The following NTM variants were observed in gnomAD, a reference collection of about 807,000 sequenced individuals.
The protein encoded by NTM is IgLON family member 2.
A neutral mutation model predicts 42.1 loss-of-function variants in NTM; 13 were observed. That is an observed-to-expected ratio of 0.31 (90% confidence interval 0.20 to 0.49). The LOEUF (loss-of-function observed/expected upper bound fraction) is 0.49. Ranked by LOEUF, NTM falls within the 20% of genes least tolerant of loss-of-function variation. NTM has a pLI of 0.99. For synonymous variants in NTM, 187 were observed against 179.2 expected (o/e 1.04, Z -0.35); for missense variants, 373 against 452.8 (o/e 0.82, Z 1.60).
At chr11:132,130,467 G>A (rs1358647740) in intron 2 of NTM, among the ~76,000 whole-genome samples, 1 of 152,174 alleles carries the variant, frequency 6.6e-6, no homozygotes, top group Non-Finnish European at 1.5e-5. Context: ...ATGCGTTTAA[G>A]TTCTAATTAA....
chr11:131,791,163 A>G (rs1444432524), intron 1 of NTM, among the ~76,000 whole-genome samples: 1 of 152,230 alleles, frequency 6.6e-6, no homozygotes, highest in Non-Finnish European at 1.5e-5. Context: ...CATTTTAACA[A>G]GCAAGAGGAG....
chr11:131,642,904 G>A (rs532631686), intron 1 of NTM, among the ~76,000 whole-genome samples: 32 of 152,120 alleles, frequency 2.1e-4, no homozygotes, highest in Middle Eastern at 3.4e-3. Context: ...TACCCAAAAC[G>A]TGAAGCCTTA....
chr11:131,881,250 T>C (rs1356963768), intron 1 of NTM, among the ~76,000 whole-genome samples: 1 of 152,154 alleles, frequency 6.6e-6, no homozygotes, highest in Non-Finnish European at 1.5e-5. Context: ...ATATGAGAAA[T>C]TAAGACAATA....
At chr11:131,813,425 C>T (rs1232106376) in intron 1 of NTM, among the ~76,000 whole-genome samples, 1 of 152,054 alleles carries the variant, frequency 6.6e-6, no homozygotes, top group Non-Finnish European at 1.5e-5. Flanking sequence ...GACACATATG[C>T]AGAATCATGG....
At chr11:131,558,260 C>T (rs1278639237) in intron 1 of NTM, among the ~76,000 whole-genome samples, 1 of 152,110 alleles carries the variant, frequency 6.6e-6, no homozygotes, top group Non-Finnish European at 1.5e-5. Context: ...CTAACCCCTC[C>T]AGCCTGGACA....
In NTM at chr11:131,947,012, A is replaced by T. The variant is rs371067572; in HGVS notation, c.167+35364A>T. The stretch of plus-strand genomic sequence containing the variant: ...AAATATTGAAAATTACCTAATATAA[A>T]GGTTATTGGAAGGTACAATGGAATG... On this transcript the variant is annotated intron_variant, in intron 2 of 8. Transcript: ENST00000683400. Among the ~76,000 whole-genome samples, 30 of 152,330 alleles carry T rather than the reference A, an allele frequency of 2.0e-4. No individual in the cohort carries two copies. The East Asian group carries it at 5.2e-3, about 26-fold the overall frequency.
At chr11:132,097,535 A>C (rs1167811584) in intron 2 of NTM, among the ~76,000 whole-genome samples, 1 of 152,194 alleles carries the variant, frequency 6.6e-6, no homozygotes, top group Non-Finnish European at 1.5e-5. Context: ...TTCAAGTAAA[A>C]CAAAGTCTAT....
At chr11:132,148,896 G>T (rs1005181204) in intron 3 of NTM, among the ~76,000 whole-genome samples, 1 of 152,032 alleles carries the variant, frequency 6.6e-6, no homozygotes, top group Non-Finnish European at 1.5e-5. Flanking sequence ...CCCTTGCTAG[G>T]TGTTTACATC....
intron 1 of NTM, among the ~76,000 whole-genome samples, chr11:131,379,913 C>T (rs1591507777): frequency 1.3e-5 from 2 of 152,104 alleles, no homozygotes; most frequent in East Asian, 3.9e-4. Context: ...GGTAGCCCAG[C>T]ATATTAGAGC....
At chr11:131,880,973 T>G (rs562881847) in intron 1 of NTM, among the ~76,000 whole-genome samples, 1 of 152,284 alleles carries the variant, frequency 6.6e-6, no homozygotes, top group African/African-American at 2.4e-5. Context: ...TGAAACAACA[T>G]TCCAGTGGTA....
At chr11:131,911,709 G>A (rs566361551) in intron 2 of NTM, 61 bp downstream of exon 2, 6 of 1,602,852 alleles carry the variant, frequency 3.7e-6, no homozygotes, top group Non-Finnish European at 4.3e-6. Flanking sequence ...TAAGGGGCAG[G>A]GGTGCAGGTG....
At position 132,307,794 on chromosome 11, in the gene NTM, T is replaced by A. The variant is rs756515156; in HGVS notation, c.632T>A (p.Val211Glu). ...GCCTCCAATGACGTGGCCGCGCCCG[T>A]GGTACGGAGAGTAAAGGTCACCGTG... ...CSASNDVAAPVVRRVKVTVNY... is the reference protein window; with the variant it reads ...CSASNDVAAPEVRRVKVTVNY... Residue 211 changes from valine (V) to glutamate (E), a missense_variant, in exon 5 of 9, where the codon GTG becomes GAG. By Grantham distance (121) the Val-to-Glu change is moderately radical (BLOSUM62 -2). This residue lies in a region of NTM where 312 missense variants were observed against 353.5 expected (regional missense o/e 0.88). Transcript: ENST00000683400. The A allele has an allele frequency of 2.5e-6, 4 of 1,614,192 alleles. No homozygotes were observed. In the East Asian group the frequency reaches 8.9e-5, roughly 36 times the overall value.
At chr11:131,797,271 A>G (rs1591925579) in intron 1 of NTM, among the ~76,000 whole-genome samples, 1 of 152,196 alleles carries the variant, frequency 6.6e-6, no homozygotes, top group African/African-American at 2.4e-5. Flanking sequence ...ATTGACAACT[A>G]TCTCTGCTCC....
intron 3 of NTM, among the ~76,000 whole-genome samples, chr11:132,204,195 C>A (rs745411038): frequency 1.3e-5 from 2 of 152,122 alleles, no homozygotes; most frequent in Non-Finnish European, 2.9e-5. Context: ...GTAATATAGC[C>A]AAACACCTGT....
intron 3 of NTM, among the ~76,000 whole-genome samples, chr11:132,154,399 G>A (rs1048857895): frequency 3.9e-5 from 6 of 152,202 alleles, no homozygotes; most frequent in African/African-American, 1.4e-4. Context: ...TTCTTGCATG[G>A]TTAAGACACA....
At chr11:131,736,858 C>T (rs564474183) in intron 1 of NTM, among the ~76,000 whole-genome samples, 61 of 152,274 alleles carry the variant, frequency 4.0e-4, no homozygotes, top group African/African-American at 1.3e-3. Context: ...CATTTATCTG[C>T]GTTGAGAATT....
chr11:132,177,290 T>A (rs2137969522), intron 3 of NTM, among the ~76,000 whole-genome samples: 1 of 152,350 alleles, frequency 6.6e-6, no homozygotes, highest in East Asian at 1.9e-4. Flanking sequence ...CTATTTGCTT[T>A]CAGCACCACG....
chr11:132,245,971 C>T (rs1310774997), intron 4 of NTM, among the ~76,000 whole-genome samples: 1 of 152,162 alleles, frequency 6.6e-6, no homozygotes, highest in Non-Finnish European at 1.5e-5. Context: ...TCTTTTCTCC[C>T]CGGGCGGCCA....
intron 1 of NTM, among the ~76,000 whole-genome samples, chr11:131,445,953 T>A (rs186089799): frequency 6.6e-6 from 1 of 152,324 alleles, no homozygotes; most frequent in Admixed American, 6.5e-5. Context: ...GACAAAGACT[T>A]GATGGCCTGC....
Sources: gnomAD v4.1 joint callset for allele counts (sites outside exome capture counted in the v4.1 genomes callset) on GRCh38, gnomAD v4.1.1 for gene constraint, gnomAD v4.1.1 regional missense constraint, MANE v1.5 for transcripts, NCBI Gene and HGNC (gene_info 2026-07-23, HGNC 2026-07-21) for gene names.